RBPMS: variants seen among roughly 807,000 people sequenced by gnomAD.
RBPMS encodes the protein RNA binding protein, mRNA processing factor.
RBPMS carries 7 observed loss-of-function variants against 26.8 expected under a neutral mutation model. The observed-to-expected ratio is 0.26, with a 90% CI of 0.15 to 0.49. RBPMS has a LOEUF of 0.49. Ranked by LOEUF, RBPMS falls within the 20% of genes least tolerant of loss-of-function variation. The probability of loss-of-function intolerance (pLI) is 0.98; values close to 1 mark genes in which losing one functional copy is unlikely to be tolerated. For missense variants in RBPMS, 186 were observed against 250.0 expected (o/e 0.74, Z 1.73); for synonymous variants, 96 against 93.3 (o/e 1.03, Z -0.17).
chr8:30,560,576 A>C (rs1827376871), intron 7 of RBPMS, among the ~76,000 whole-genome samples: 2 of 152,146 alleles, frequency 1.3e-5, no homozygotes, highest in African/African-American at 4.8e-5. Flanking sequence ...TTCATATTTT[A>C]ACTCAAATAC....
rs932783439 is a variant in RBPMS at position 30,466,663 on chromosome 8, C to G, written c.67-8116C>G. On this transcript the variant is annotated intron_variant, in intron 1 of 8. Transcript: ENST00000397323. ...AGGCTAGAGTGCAGTGGCGCAATCT[C>G]GGCTCACAGCAACCTCTGCCTCCCA... 6.3e-4 allele frequency among the ~76,000 whole-genome samples: 94 copies of G among 150,236 alleles called. 1 individual carries two copies. The highest frequency in any genetic ancestry group is 2.2e-3 in the African/African-American group (89 of 40,812).
At position 30,571,864 on chromosome 8, in the gene RBPMS, A is replaced by G. The variant is rs182328807; in HGVS notation, c.*1339A>G. 8 of 152,356 alleles carry G rather than the reference A, an allele frequency of 5.3e-5. No homozygotes were observed. Among genetic ancestry groups the G allele is most frequent in the African/African-American group, 1.9e-4 (8 of 41,576 alleles). 9.4% of individuals were successfully genotyped at this position (152,356 alleles called of 1,614,324 possible). A position where few individuals can be genotyped will look rare whatever the true frequency, so the allele number is the denominator to read the frequency against. ...CACACTGACCTAAATTCAGCTGCCAAACACAGTCTTTCCTATTGATCCGCT... is the reference window on the plus strand; with the variant it reads ...CACACTGACCTAAATTCAGCTGCCAGACACAGTCTTTCCTATTGATCCGCT... On this transcript the variant is annotated 3_prime_UTR_variant, in exon 9 of 9. Transcript: ENST00000397323.
intron 6 of RBPMS, chr8:30,547,387 A>G: frequency 6.2e-7 from 1 of 1,611,848 alleles, no homozygotes; most frequent in Non-Finnish European, 8.5e-7. Context: ...TAACATACCA[A>G]CCTACTGCAG....
chr8:30,511,457 T>C, intron 5 of RBPMS, among the ~76,000 whole-genome samples: 1 of 92,988 alleles, frequency 1.1e-5, no homozygotes. Context: ...CCCCATCTCT[T>C]TAAAACAAAA....
intron 1 of RBPMS, among the ~76,000 whole-genome samples, chr8:30,440,974 C>G (rs1334513328): frequency 1.3e-5 from 2 of 151,438 alleles, no homozygotes; most frequent in African/African-American, 4.9e-5. Context: ...CCCCGCCCCC[C>G]TCCAGCTAGT....
chr8:30,435,418 A>G (rs1472528910), intron 1 of RBPMS, among the ~76,000 whole-genome samples: 2 of 152,212 alleles, frequency 1.3e-5, no homozygotes, highest in Non-Finnish European at 2.9e-5. Context: ...AGCTATAACA[A>G]ATACTCTCTG....
At chr8:30,530,435 T>G (rs1824087593) in intron 5 of RBPMS, among the ~76,000 whole-genome samples, 1 of 152,164 alleles carries the variant, frequency 6.6e-6, no homozygotes, top group Non-Finnish European at 1.5e-5. Context: ...CACGGTTGAA[T>G]ATGTGTTCTG....
intron 6 of RBPMS, chr8:30,556,371 C>A (rs112674727): frequency 1.0e-6 from 1 of 985,628 alleles, no homozygotes; most frequent in African/African-American, 1.7e-5. Flanking sequence ...CCTGCAGGCA[C>A]CTGTGCGAGT....
intron 7 of RBPMS, among the ~76,000 whole-genome samples, chr8:30,561,660 G>A (rs1016885797): frequency 7.9e-5 from 12 of 152,198 alleles, no homozygotes; most frequent in African/African-American, 2.9e-4. Flanking sequence ...AGAGTGGAGA[G>A]CGGGCTGGAG....
intron 1 of RBPMS, among the ~76,000 whole-genome samples, chr8:30,433,632 C>G (rs1162830488): frequency 6.6e-6 from 1 of 152,102 alleles, no homozygotes; most frequent in African/African-American, 2.4e-5. Context: ...TATTCATGGC[C>G]ATAGCACTTC....
intron 5 of RBPMS, among the ~76,000 whole-genome samples, chr8:30,504,868 A>G (rs1205680567): frequency 6.6e-6 from 1 of 152,136 alleles, no homozygotes; most frequent in Non-Finnish European, 1.5e-5. Context: ...AGATCTTGGG[A>G]ATTTGGTTCT....
At chr8:30,446,477 T>G (rs942647830) in intron 1 of RBPMS, among the ~76,000 whole-genome samples, 1 of 152,186 alleles carries the variant, frequency 6.6e-6, no homozygotes, top group Admixed American at 6.5e-5. Flanking sequence ...TGATAATTAG[T>G]GACAGCATTA....
At chr8:30,385,411 T>TG in intron 1 of RBPMS, 1 of 351,786 alleles carries the variant, frequency 2.8e-6, no homozygotes, top group Non-Finnish European at 5.1e-6. Flanking sequence ...TGCTCAGCTT[T>TG]GTTTGCCCGG....
chr8:30,436,693 C>T lies in RBPMS; in HGVS notation c.67-38086C>T, dbSNP rs141847992. On this transcript the variant is annotated intron_variant, in intron 1 of 8. Transcript: ENST00000397323. ...ACTTTGTTTCCCTGCTTCTCCAAGTCTAGGGTATGCAGTGTGCCTGAGCTT... is the reference window on the plus strand; with the variant it reads ...ACTTTGTTTCCCTGCTTCTCCAAGTTTAGGGTATGCAGTGTGCCTGAGCTT... 9.2e-5 allele frequency among the ~76,000 whole-genome samples: 14 copies of T among 152,310 alleles called. No individual in the cohort carries two copies. The East Asian group carries it at 2.7e-3, about 29-fold the overall frequency.
intron 1 of RBPMS, among the ~76,000 whole-genome samples, chr8:30,411,432 A>T (rs1032919980): frequency 6.6e-6 from 1 of 151,984 alleles, no homozygotes; most frequent in Non-Finnish European, 1.5e-5. Flanking sequence ...TGGGAGGTGG[A>T]GGTGGGTAGG....
At chr8:30,513,703 T>G (rs1390480449) in intron 5 of RBPMS, among the ~76,000 whole-genome samples, 1 of 152,126 alleles carries the variant, frequency 6.6e-6, no homozygotes, top group African/African-American at 2.4e-5. Context: ...CTCAAATTAT[T>G]CATTATATTC....
intron 1 of RBPMS, among the ~76,000 whole-genome samples, chr8:30,458,713 G>A (rs568229635): frequency 3.3e-5 from 5 of 152,202 alleles, no homozygotes; most frequent in Admixed American, 3.3e-4. Flanking sequence ...TAAATTTGTG[G>A]CCTCAGACAC....
intron 4 of RBPMS, among the ~76,000 whole-genome samples, chr8:30,502,038 A>G (rs1263145764): frequency 2.0e-5 from 3 of 151,858 alleles, no homozygotes; most frequent in Non-Finnish European, 1.5e-5. Context: ...ATTACCAAAT[A>G]TGGTATTGCT....
rs572424811 is a variant in RBPMS at position 30,512,961 on chromosome 8, G to C, written c.397+8525G>C. On this transcript the variant is annotated intron_variant, in intron 5 of 8. Coordinates refer to ENST00000397323, the MANE Select transcript of RBPMS (RefSeq NM_001008710.3). ...TATCACCCGAAATGCTACTGGGTGG[G>C]TAGATTTGGAGGTACACTTAGAAAG... Among the ~76,000 whole-genome samples, 840 of 152,274 alleles carry C rather than the reference G, an allele frequency of 5.5e-3. 8 individuals are homozygous for C. Among genetic ancestry groups the C allele is most frequent in the Non-Finnish European group, 8.6e-3 (585 of 68,012 alleles).
Sources: gnomAD v4.1 joint callset for allele counts (sites outside exome capture counted in the v4.1 genomes callset) on GRCh38, gnomAD v4.1.1 for gene constraint, MANE v1.5 for transcripts, NCBI Gene and HGNC (gene_info 2026-07-23, HGNC 2026-07-21) for gene names.